Variants in XRCC4 observed in about 807,000 individuals in gnomAD.
XRCC4 encodes X-ray repair cross complementing 4.
XRCC4 carries 28 observed loss-of-function variants against 39.1 expected under a neutral mutation model. The observed-to-expected ratio is 0.72, with a 90% CI of 0.53 to 0.98. The LOEUF (loss-of-function observed/expected upper bound fraction) is 0.98. Among genes scored for constraint, XRCC4 ranks in the 50% least tolerant of loss-of-function variants. The pLI, the probability that XRCC4 is intolerant of heterozygous loss-of-function variation, is 0.00. For synonymous variants in XRCC4, 123 were observed against 126.4 expected (o/e 0.97, Z 0.18); for missense variants, 350 against 376.4 (o/e 0.93, Z 0.58).
At chr5:83,184,534 T>C (rs190073795) in intron 3 of XRCC4, among the ~76,000 whole-genome samples, 37 of 152,248 alleles carry the variant, frequency 2.4e-4, no homozygotes, top group Admixed American at 1.4e-3. Flanking sequence ...GAGAATGTTA[T>C]GAGAGACCTA....
chr5:83,250,590 G>T (rs1753269091), intron 6 of XRCC4, among the ~76,000 whole-genome samples: 1 of 152,152 alleles, frequency 6.6e-6, no homozygotes, highest in African/African-American at 2.4e-5. Context: ...ATGCTTGAGG[G>T]CTACCCAAAA....
chr5:83,185,362 C>A (rs544768775), intron 3 of XRCC4, among the ~76,000 whole-genome samples: 5 of 117,072 alleles, frequency 4.3e-5, no homozygotes, highest in Admixed American at 1.6e-4. Flanking sequence ...ACATGCCCAG[C>A]ATTAAAAAAA....
At chr5:83,175,014 A>T (rs1226526848) in intron 3 of XRCC4, among the ~76,000 whole-genome samples, 1 of 152,190 alleles carries the variant, frequency 6.6e-6, no homozygotes, top group African/African-American at 2.4e-5. Context: ...GTTCACATAC[A>T]TGGTAGGAAC....
At chr5:83,343,455 C>G (rs1395052610) in intron 7 of XRCC4, among the ~76,000 whole-genome samples, 1 of 152,100 alleles carries the variant, frequency 6.6e-6, no homozygotes, top group Admixed American at 6.6e-5. Flanking sequence ...TTCTTCCAGG[C>G]TATTCTTCTC....
chr5:83,167,467 G>A (rs1009810044), intron 3 of XRCC4, among the ~76,000 whole-genome samples: 2 of 152,164 alleles, frequency 1.3e-5, no homozygotes, highest in Middle Eastern at 3.2e-3. Context: ...AAGAAAAGGG[G>A]AGAATATGCA....
intron 3 of XRCC4, among the ~76,000 whole-genome samples, chr5:83,128,228 G>A (rs1747374578): frequency 6.6e-6 from 1 of 152,000 alleles, no homozygotes; most frequent in South Asian, 2.1e-4. Flanking sequence ...GTGGTGCTTG[G>A]TTTTCTGTCC....
chr5:83,226,129 T>A (rs767633021), intron 6 of XRCC4, among the ~76,000 whole-genome samples: 5 of 152,068 alleles, frequency 3.3e-5, no homozygotes, highest in African/African-American at 1.2e-4. Context: ...TTCTTTTTAC[T>A]ATGGTCTAGA....
chr5:83,152,447 A>T (rs1748749179), intron 3 of XRCC4, among the ~76,000 whole-genome samples: 1 of 152,138 alleles, frequency 6.6e-6, no homozygotes, highest in African/African-American at 2.4e-5. Flanking sequence ...AGCCTGACCA[A>T]CATGGTGAAA....
At chr5:83,086,725 T>A (rs552369835) in intron 1 of XRCC4, among the ~76,000 whole-genome samples, 1 of 152,276 alleles carries the variant, frequency 6.6e-6, no homozygotes, top group South Asian at 2.1e-4. Flanking sequence ...AACCTTCAGT[T>A]GTTCAGCGAT....
intron 7 of XRCC4, among the ~76,000 whole-genome samples, chr5:83,291,646 G>A (rs1298785445): frequency 1.3e-5 from 2 of 151,726 alleles, no homozygotes; most frequent in Non-Finnish European, 1.5e-5. Context: ...TACTTCTTTA[G>A]GTTAAGACAG....
chr5:83,176,381 A>C (rs914724892), intron 3 of XRCC4, among the ~76,000 whole-genome samples: 2 of 152,162 alleles, frequency 1.3e-5, no homozygotes, highest in Non-Finnish European at 2.9e-5. Context: ...ATGACAGATG[A>C]AGGTGCCACC....
At chr5:83,243,301 T>A (rs532240008) in intron 6 of XRCC4, among the ~76,000 whole-genome samples, 8 of 152,260 alleles carry the variant, frequency 5.3e-5, no homozygotes, top group African/African-American at 1.7e-4. Context: ...ATACTACAAA[T>A]TGGGGACTTA....
intron 1 of XRCC4, among the ~76,000 whole-genome samples, chr5:83,098,479 A>G (rs17205699): frequency 0.33 from 49,995 of 151,990 alleles, 9,138 homozygotes; most frequent in Non-Finnish European, 0.42. Flanking sequence ...AATTATTAAA[A>G]TGGAGTTAAT....
At chr5:83,321,994 AAAAC>A (rs939817555) in intron 7 of XRCC4, among the ~76,000 whole-genome samples, 1 of 150,524 alleles carries the variant, frequency 6.6e-6, no homozygotes, top group Non-Finnish European at 1.5e-5. Context: ...CATTTAAAAT[AAAAC>A]AAACCTTCTA....
intron 3 of XRCC4, among the ~76,000 whole-genome samples, chr5:83,134,164 A>G (rs1026149162): frequency 2.6e-5 from 4 of 151,384 alleles, no homozygotes; most frequent in African/African-American, 4.9e-5. Flanking sequence ...CGCTTTCCCT[A>G]TTTTCCTCTT....
At chr5:83,352,085 G>C (rs1757099485) in intron 7 of XRCC4, among the ~76,000 whole-genome samples, 1 of 152,054 alleles carries the variant, frequency 6.6e-6, no homozygotes, top group African/African-American at 2.4e-5. Flanking sequence ...TTTTACAGTG[G>C]ACAGAATAGA....
chr5:83,181,530 G>A (rs906845657), intron 3 of XRCC4, among the ~76,000 whole-genome samples: 5 of 152,066 alleles, frequency 3.3e-5, no homozygotes, highest in African/African-American at 1.2e-4. Flanking sequence ...ACTTTGGAGT[G>A]ATATGTCTTT....
At chr5:83,116,644 T>G (rs1746735529) in intron 3 of XRCC4, among the ~76,000 whole-genome samples, 1 of 103,908 alleles carries the variant, frequency 9.6e-6, no homozygotes, top group Non-Finnish European at 1.8e-5. Context: ...TTTTTTGAGA[T>G]GGAGCCTCAC....
chr5:83,224,864 G>C lies in XRCC4; in HGVS notation c.745+19943G>C, dbSNP rs188041404. The stretch of plus-strand genomic sequence containing the variant: ...GTCTCTTCATTGAAATTCTCAGCTT[G>C]TTCTTGCATTACTATTGCCACTTCT... On this transcript the variant is annotated intron_variant, in intron 6 of 7. Coordinates refer to ENST00000396027, the MANE Select transcript of XRCC4 (RefSeq NM_003401.5). Among the ~76,000 whole-genome samples the C allele has an allele frequency of 8.5e-4, 130 of 152,160 alleles. No homozygotes were observed. In the Middle Eastern group the frequency reaches 0.01, roughly 12 times the overall value.
Sources: gnomAD v4.1 joint callset for allele counts (sites outside exome capture counted in the v4.1 genomes callset) on GRCh38, gnomAD v4.1.1 for gene constraint, MANE v1.5 for transcripts, NCBI Gene and HGNC (gene_info 2026-07-23, HGNC 2026-07-21) for gene names.